The following MAGI1 variants were observed in gnomAD, a reference collection of about 807,000 sequenced individuals.
MAGI1 encodes membrane associated guanylate kinase, WW and PDZ domain containing 1, also known as membrane-associated guanylate kinase, WW and PDZ domain-containing protein 1.
Under a neutral mutation model 139.9 loss-of-function variants are expected in MAGI1, and 58 were observed. That is an observed-to-expected ratio of 0.41 (90% confidence interval 0.34 to 0.52). The LOEUF is 0.52. Ranked by LOEUF, MAGI1 falls within the 20% of genes least tolerant of loss-of-function variation. MAGI1 has a pLI of 0.12. For missense variants in MAGI1, 1,874 were observed against 1,901.6 expected (o/e 0.99, Z 0.27); for synonymous variants, 812 against 737.9 (o/e 1.10, Z -1.63).
intron 1 of MAGI1, among the ~76,000 whole-genome samples, chr3:65,916,167 C>G (rs750801969): frequency 6.6e-6 from 1 of 151,834 alleles, no homozygotes. Flanking sequence ...CCCGGGTTGA[C>G]GCGATTCTCA....
chr3:65,668,932 T>C lies in MAGI1; in HGVS notation c.314-46844A>G, dbSNP rs1247982579. ...GTTGTCTTTTTTTACATTATCTTTA[T>C]TTATTTGTTTATTTTCTTGAGATGG... On this transcript the variant is annotated intron_variant, in intron 1 of 22. Transcript: ENST00000402939. 4.0e-5 allele frequency among the ~76,000 whole-genome samples: 6 copies of C among 151,866 alleles called. No individual in the cohort carries two copies. The East Asian group carries it at 1.2e-3, about 29-fold the overall frequency.
intron 2 of MAGI1, among the ~76,000 whole-genome samples, chr3:65,542,744 A>C (rs1405161961): frequency 6.6e-6 from 1 of 152,248 alleles, no homozygotes; most frequent in African/African-American, 2.4e-5. Flanking sequence ...GTTATAAAAA[A>C]ATTAACTCGA....
At chr3:65,638,137 T>A (rs1576560453) in intron 1 of MAGI1, among the ~76,000 whole-genome samples, 1 of 152,150 alleles carries the variant, frequency 6.6e-6, no homozygotes, top group East Asian at 1.9e-4. Context: ...GCAACTTACT[T>A]AATCACTCTG....
chr3:65,411,458 A>G (rs1364403366), intron 12 of MAGI1, among the ~76,000 whole-genome samples: 1 of 152,176 alleles, frequency 6.6e-6, no homozygotes, highest in Non-Finnish European at 1.5e-5. Flanking sequence ...AGTTCCTACA[A>G]ATTTGAGAGG....
chr3:65,468,086 A>G (rs2107569465), intron 5 of MAGI1, among the ~76,000 whole-genome samples: 1 of 152,310 alleles, frequency 6.6e-6, no homozygotes. Context: ...TTTTATATAT[A>G]TGTATAGAAA....
chr3:65,391,781 C>A (rs533308198), intron 13 of MAGI1, among the ~76,000 whole-genome samples: 29 of 152,240 alleles, frequency 1.9e-4, no homozygotes, highest in Non-Finnish European at 3.4e-4. Context: ...GCTAAAGATG[C>A]TCCTCAGGAC....
At chr3:65,834,939 T>C (rs1156365730) in intron 1 of MAGI1, among the ~76,000 whole-genome samples, 1 of 152,244 alleles carries the variant, frequency 6.6e-6, no homozygotes, top group East Asian at 1.9e-4. Context: ...TACACACCTT[T>C]TTCCATCCTT....
At chr3:65,632,558 C>T (rs1290243795) in intron 1 of MAGI1, among the ~76,000 whole-genome samples, 1 of 152,096 alleles carries the variant, frequency 6.6e-6, no homozygotes, top group Non-Finnish European at 1.5e-5. Context: ...CAATTACTTC[C>T]AACCTCCCTT....
chr3:65,440,252 T>C (rs1472302685), intron 8 of MAGI1, among the ~76,000 whole-genome samples: 2 of 152,162 alleles, frequency 1.3e-5, no homozygotes, highest in Non-Finnish European at 2.9e-5. Flanking sequence ...AAGTCCTCAG[T>C]AAATGCCAGG....
intron 2 of MAGI1, among the ~76,000 whole-genome samples, chr3:65,538,869 C>T (rs1000037844): frequency 2.0e-5 from 3 of 152,112 alleles, no homozygotes; most frequent in African/African-American, 7.2e-5. Context: ...ACACACATAC[C>T]AACTGCCTAC....
At chr3:65,533,865 C>A (rs1469800252) in intron 2 of MAGI1, among the ~76,000 whole-genome samples, 1 of 152,086 alleles carries the variant, frequency 6.6e-6, no homozygotes, top group Non-Finnish European at 1.5e-5. Flanking sequence ...TCCATCCAAT[C>A]CAAAATTCTC....
chr3:65,846,047 CTTG>C (rs2058982266), intron 1 of MAGI1, among the ~76,000 whole-genome samples: 1 of 152,194 alleles, frequency 6.6e-6, no homozygotes, highest in South Asian at 2.1e-4. Context: ...AACAATGCCA[CTTG>C]TTACTTGGCA....
chr3:65,936,933 GTGA>G (rs1318637577), intron 1 of MAGI1, among the ~76,000 whole-genome samples: 373 of 151,340 alleles, frequency 2.5e-3, no homozygotes, highest in African/African-American at 7.8e-3. Flanking sequence ...GGTGGTGGTG[GTGA>G]TGGTGGTGGT....
intron 1 of MAGI1, among the ~76,000 whole-genome samples, chr3:65,796,858 T>TA (rs1488211051): frequency 6.6e-6 from 1 of 152,218 alleles, no homozygotes; most frequent in African/African-American, 2.4e-5. Context: ...CTGTGACCAC[T>TA]AAACTTTATT....
intron 1 of MAGI1, among the ~76,000 whole-genome samples, chr3:65,665,176 C>T (rs1399335804): frequency 1.3e-5 from 2 of 152,176 alleles, no homozygotes; most frequent in Non-Finnish European, 2.9e-5. Flanking sequence ...TTAAAACTTA[C>T]CAGCCTTACA....
intron 1 of MAGI1, among the ~76,000 whole-genome samples, chr3:65,868,860 C>G: frequency 6.6e-6 from 1 of 152,132 alleles, no homozygotes; most frequent in Non-Finnish European, 1.5e-5. Flanking sequence ...TCGACAAAGT[C>G]CACCCTGATC....
chr3:65,488,040 T>A (rs1039252818), intron 3 of MAGI1, among the ~76,000 whole-genome samples: 1 of 152,142 alleles, frequency 6.6e-6, no homozygotes, highest in Non-Finnish European at 1.5e-5. Context: ...TGGAAGGAAG[T>A]TCTTACAGGA....
At chr3:65,761,784 C>G (rs917963133) in intron 1 of MAGI1, among the ~76,000 whole-genome samples, 16 of 152,178 alleles carry the variant, frequency 1.1e-4, no homozygotes, top group African/African-American at 3.9e-4. Flanking sequence ...CTCAGTACCA[C>G]TCACTAGGGA....
At chr3:65,401,560 C>T (rs778630965) in intron 12 of MAGI1, 90 bp from the exon 13 acceptor site, 15 of 1,561,384 alleles carry the variant, frequency 9.6e-6, no homozygotes, top group Non-Finnish European at 1.3e-5. Flanking sequence ...CCCAGGTGTT[C>T]CATGGCAACC....
Sources: gnomAD v4.1 joint callset for allele counts (sites outside exome capture counted in the v4.1 genomes callset) on GRCh38, gnomAD v4.1.1 for gene constraint, MANE v1.5 for transcripts, NCBI Gene and HGNC (gene_info 2026-07-23, HGNC 2026-07-21) for gene names.